SLC19A1: variants seen among roughly 807,000 people sequenced by gnomAD.
SLC19A1 encodes reduced folate transporter.
SLC19A1 carries 37 observed loss-of-function variants against 35.3 expected under a neutral mutation model. The observed-to-expected ratio is 1.05, with a 90% CI of 0.81 to 1.38. The LOEUF (loss-of-function observed/expected upper bound fraction) is 1.38, where lower values mean the gene tolerates loss of function less well. SLC19A1 is among the 40% of genes most tolerant of loss of function. The pLI is 0.00. For missense variants in SLC19A1, 831 were observed against 826.9 expected, an observed-to-expected ratio of 1.00 and a Z score of -0.06; for synonymous variants, 460 against 398.5, an observed-to-expected ratio of 1.15 and a Z score of -1.84.
At chr21:45,518,915 T>C (rs888533942) in intron 5 of SLC19A1, among the ~76,000 whole-genome samples, 1 of 151,928 alleles carries the variant, frequency 6.6e-6, no homozygotes, top group Non-Finnish European at 1.5e-5. Flanking sequence ...AAAGAAGGAA[T>C]CTTGAAATAA....
In SLC19A1 at chr21:45,534,078, C is replaced by T. The variant is rs1284928379; in HGVS notation, c.190-1930G>A. On this transcript the variant is annotated intron_variant, in intron 2 of 5. Transcript: ENST00000311124. The surrounding 1 kb of genome is among the most constrained non-coding windows in gnomAD (Gnocchi z 4.2). ...AGGCACCCAAGGTCCCTCCGGCACT[C>T]CGTCCTGCTCAGGACATTCCGGGAC... is the stretch of plus-strand genomic sequence containing the variant. Among the ~76,000 whole-genome samples, 1 of 152,166 alleles carries T rather than the reference C, an allele frequency of 6.6e-6. No homozygotes were observed. Among genetic ancestry groups the T allele is most frequent in the South Asian group, 2.1e-4 (1 of 4,830 alleles).
downstream of SLC19A1, chr21:45,507,592 C>T (rs776806921): frequency 4.0e-5 from 65 of 1,612,822 alleles, no homozygotes; most frequent in Admixed American, 9.0e-4. Flanking sequence ...CCACGAGGGA[C>T]GGTAAGGAGC....
chr21:45,512,333 G>C, downstream of SLC19A1: 6 of 1,612,626 alleles, frequency 3.7e-6, no homozygotes, highest in Non-Finnish European at 5.1e-6. Context: ...GCAGAGTGCC[G>C]CGAGCTGCCA....
downstream of SLC19A1, chr21:45,509,295 G>A: frequency 2.0e-6 from 3 of 1,533,226 alleles, no homozygotes; most frequent in Non-Finnish European, 2.6e-6. Flanking sequence ...GGAGGACACA[G>A]ATGGAGGAGG....
downstream of SLC19A1, chr21:45,511,195 G>A (rs12483377): frequency 0.078 from 124,702 of 1,592,926 alleles, 5,341 homozygotes; most frequent in Non-Finnish European, 0.088. Context: ...CTTCTCCTTT[G>A]ACGGCAAGGA....
In SLC19A1 at chr21:45,515,402, A is replaced by C. The variant is rs2037852738; in HGVS notation, c.*256T>G. ...AGCCAGTGAGGCCTGGTGGACGCAG[A>C]AGCCCACCACCCACCTCTTCCAGCA... On this transcript the variant is annotated 3_prime_UTR_variant, in exon 6 of 6. Transcript: ENST00000311124. 7.0e-7 allele frequency: 1 copy of C among 1,430,340 alleles called. No homozygotes were observed. Among genetic ancestry groups the C allele is most frequent in the African/African-American group, 1.5e-5 (1 of 65,646 alleles). 88.6% of individuals were successfully genotyped at this position (1,430,340 alleles called of 1,614,324 possible).
chr21:45,526,141 G>C (rs1015287674), intron 4 of SLC19A1, among the ~76,000 whole-genome samples, 183 bp from the exon 5 acceptor site: 1 of 152,134 alleles, frequency 6.6e-6, no homozygotes, highest in Non-Finnish European at 1.5e-5. Flanking sequence ...TGCCAGGCAG[G>C]AGCCAGCACC....
rs376202522 is a variant in SLC19A1, at chr21:45,522,753, C to A, written c.1293+3064G>T. On this transcript the variant is annotated intron_variant, in intron 5 of 5. Transcript: ENST00000311124. ...CCCTAAACGATACACAATGCATAGCCGTGTTTATACAACACTCCTGAAATG... is the reference window on the plus strand; with the variant it reads ...CCCTAAACGATACACAATGCATAGCAGTGTTTATACAACACTCCTGAAATG... Among the ~76,000 whole-genome samples, 8 of 152,162 alleles carry A rather than the reference C, an allele frequency of 5.3e-5. No individual in the cohort carries two copies. The East Asian group carries it at 1.3e-3, about 26-fold the overall frequency.
intron 1 of SLC19A1, among the ~76,000 whole-genome samples, chr21:45,557,568 G>A (rs1226063472): frequency 1.3e-4 from 20 of 152,204 alleles, no homozygotes; most frequent in Admixed American, 1.3e-3. Context: ...CAGAGCAGAG[G>A]AGCGAGGGCT....
At chr21:45,509,206 C>G (rs1263802341), downstream of SLC19A1, 2 of 1,078,708 alleles carry the variant, frequency 1.9e-6, no homozygotes, top group African/African-American at 3.2e-5. Flanking sequence ...GCTGCCTACA[C>G]CCCCAGGGCA....
rs1008735890 is a variant in SLC19A1 at position 45,533,460 on chromosome 21, GAGGCCA to G, written c.190-1318_190-1313del. ...CCAGAGGAAGAGGCCCCACCCCTGT[GAGGCCA>G]AGCCGCTTGCCTTGCCCCTCCCTGG... On this transcript the variant is annotated intron_variant, in intron 2 of 5. Coordinates refer to ENST00000311124, the MANE Select transcript of SLC19A1 (RefSeq NM_194255.4). This position sits in a 1 kb window ranked among gnomAD's most constrained non-coding sequence, Gnocchi z 4.5. 1.3e-5 allele frequency among the ~76,000 whole-genome samples: 2 copies of G among 152,126 alleles called. No individual in the cohort carries two copies. The highest frequency in any genetic ancestry group is 4.8e-5 in the African/African-American group (2 of 41,428).
intron 5 of SLC19A1, among the ~76,000 whole-genome samples, chr21:45,522,416 G>C (rs2077464727): frequency 6.6e-6 from 1 of 152,190 alleles, no homozygotes; most frequent in Non-Finnish European, 1.5e-5. Flanking sequence ...GACTGCTATG[G>C]AAAGTGGGCT....
intron 1 of SLC19A1, among the ~76,000 whole-genome samples, chr21:45,560,283 C>T (rs1019882511): frequency 2.0e-5 from 3 of 152,192 alleles, no homozygotes; most frequent in African/African-American, 7.2e-5. Context: ...TCAATGAGGC[C>T]AGCAGGAGCG....
chr21:45,506,331 G>A (rs750847975), intron 3 of SLC19A1: 24 of 362,296 alleles, frequency 6.6e-5, no homozygotes, highest in South Asian at 1.3e-4. Flanking sequence ...GCCACGTGAC[G>A]TCCACAGCAC....
rs539114415 is a variant in SLC19A1 at position 45,512,610 on chromosome 21, A to G, written c.*3048T>C. On this transcript the variant is annotated 3_prime_UTR_variant, in exon 6 of 6. Coordinates refer to ENST00000311124, the MANE Select transcript of SLC19A1 (RefSeq NM_194255.4). ...AAACAGAAGCCTGATGCTGACATTC[A>G]CCTGCCCCAACTCTCCCCTGACCTG... is the stretch of plus-strand genomic sequence containing the variant. The G allele has an allele frequency of 3.3e-6, 2 of 606,012 alleles. No homozygotes were observed. The highest frequency in any genetic ancestry group is 5.8e-6 in the Non-Finnish European group (2 of 343,598). The allele number at this position is 606,012 out of a possible 1,614,324, so 37.5% of individuals were successfully genotyped here.
chr21:45,522,980 C>G (rs770362232), intron 5 of SLC19A1, among the ~76,000 whole-genome samples: 3 of 152,070 alleles, frequency 2.0e-5, no homozygotes, highest in Non-Finnish European at 1.5e-5. Flanking sequence ...AAACTGGGTA[C>G]GGGGTACATG....
chr21:45,530,026 T>C lies in SLC19A1; in HGVS notation c.1151+744A>G, dbSNP rs2077809498. Among the ~76,000 whole-genome samples the C allele has an allele frequency of 6.8e-6, 1 of 147,414 alleles. No homozygotes were observed. Among genetic ancestry groups the C allele is most frequent in the Non-Finnish European group, 1.5e-5 (1 of 66,898 alleles). On this transcript the variant is annotated intron_variant, in intron 4 of 5. Transcript: ENST00000311124. This position sits in a 1 kb window ranked among gnomAD's most constrained non-coding sequence, Gnocchi z 5.3. ...TGTGGTGTGTGTCCATGTGTAAGTA[T>C]GTGATGCATTCATGTGAGTGTAGTG...
chr21:45,516,219 C>G, intron 5 of SLC19A1, 79 bp from the exon 6 acceptor site: 1 of 1,109,346 alleles, frequency 9.0e-7, no homozygotes, highest in South Asian at 1.5e-5. Context: ...CGCCTGCTCC[C>G]AGGCTCACCC....
intron 3 of SLC19A1, chr21:45,505,899 G>C: frequency 6.2e-7 from 1 of 1,612,950 alleles, no homozygotes; most frequent in Non-Finnish European, 8.5e-7. Flanking sequence ...CCCGAGGGCT[G>C]GCTCATCTTC....
Sources: gnomAD v4.1 joint callset for allele counts (sites outside exome capture counted in the v4.1 genomes callset) on GRCh38, gnomAD v4.1.1 for gene constraint, Gnocchi (gnomAD v3.1) non-coding constraint, MANE v1.5 for transcripts, NCBI Gene and HGNC (gene_info 2026-07-23, HGNC 2026-07-21) for gene names.